Variants in DMD observed in about 807,000 individuals in gnomAD.
DMD encodes the protein mutant dystrophin.
In DMD, 63 loss-of-function variants were observed where a neutral mutation model predicts 330.1. The observed-to-expected ratio is 0.19, with a 90% confidence interval of 0.16 to 0.24. The LOEUF (loss-of-function observed/expected upper bound fraction) is 0.24. Among genes scored for constraint, DMD ranks in the 10% least tolerant of loss-of-function variants. The pLI is 1.00. For synonymous variants in DMD, 1,223 were observed against 959.8 expected (o/e 1.27, Z -5.07); for missense variants, 3,344 against 2,684.1 (o/e 1.25, Z -5.43).
Position 33,270,080 on chromosome X carries a change from T to G in DMD, c.7+69179A>C, listed in dbSNP as rs144230843. On this transcript the variant is annotated intron_variant, in intron 1 of 17. Coordinates refer to the DMD transcript ENST00000288447. ...CCCTGATCAACACAATATTTGGGTT[T>G]ATGTCTCTAGTGAGATAACGCTTAT... Among the ~76,000 whole-genome samples, 998 of 110,641 alleles carry G rather than the reference T, an allele frequency of 9.0e-3. 7 individuals carry two copies. Among genetic ancestry groups the G allele is most frequent in the African/African-American group, 0.023 (701 of 30,432 alleles).
chrX:33,336,929 C>A (rs1408085406), intron 1 of DMD, among the ~76,000 whole-genome samples: 1 of 111,024 alleles, frequency 9.0e-6, no homozygotes, highest in Non-Finnish European at 1.9e-5. Context: ...TTTGCCTGCT[C>A]TTCAGGTGCG....
At chrX:31,514,010 T>C (rs1426315632) in intron 55 of DMD, among the ~76,000 whole-genome samples, 2 of 112,117 alleles carry the variant, frequency 1.8e-5, no homozygotes, top group Admixed American at 1.9e-4. Flanking sequence ...AGTTTAGTTG[T>C]TGGTGGTAGT....
At chrX:32,509,278 C>A (rs2045022387) in intron 18 of DMD, among the ~76,000 whole-genome samples, 1 of 109,652 alleles carries the variant, frequency 9.1e-6, no homozygotes, top group African/African-American at 3.3e-5. Flanking sequence ...CGTTCGTCCT[C>A]AAATGAAATA....
intron 7 of DMD, among the ~76,000 whole-genome samples, chrX:32,751,260 G>A (rs1174027016): frequency 9.0e-6 from 1 of 111,110 alleles, no homozygotes; most frequent in Non-Finnish European, 1.9e-5. Context: ...ACTTCCTAGA[G>A]ACTTGAATAG....
chrX:33,017,876 AG>A (rs750778850), intron 2 of DMD, among the ~76,000 whole-genome samples: 61 of 112,072 alleles, frequency 5.4e-4, no homozygotes, highest in African/African-American at 1.7e-3. Flanking sequence ...TGTATCCTAC[AG>A]GGCTAGAATT....
chrX:32,760,756 G>A (rs116517510), intron 7 of DMD, among the ~76,000 whole-genome samples: 1,965 of 111,728 alleles, frequency 0.018, 50 homozygotes, highest in African/African-American at 0.06. Context: ...ATGATCATTT[G>A]GAAATTAGTC....
At chrX:32,023,041 C>G (rs1024341300) in intron 44 of DMD, among the ~76,000 whole-genome samples, 5 of 109,640 alleles carry the variant, frequency 4.6e-5, no homozygotes, top group Admixed American at 2.0e-4. Context: ...CCATGTTGGC[C>G]AGGATGGTCT....
chrX:33,285,020 A>G (rs1469430809), intron 1 of DMD, among the ~76,000 whole-genome samples: 1 of 110,918 alleles, frequency 9.0e-6, no homozygotes, highest in East Asian at 2.9e-4. Flanking sequence ...GGTTCCAATA[A>G]GTGATAAATA....
At chrX:32,522,644 G>T (rs1268183767) in intron 17 of DMD, among the ~76,000 whole-genome samples, 2 of 111,641 alleles carry the variant, frequency 1.8e-5, no homozygotes, top group African/African-American at 6.5e-5. Flanking sequence ...TTATAATCTG[G>T]CCTTCATAGA....
At chrX:33,335,928 C>T (rs2054246903) in intron 1 of DMD, among the ~76,000 whole-genome samples, 1 of 111,077 alleles carries the variant, frequency 9.0e-6, no homozygotes, top group African/African-American at 3.3e-5. Flanking sequence ...AAAATCTTTA[C>T]CAAAGTCCAT....
At chrX:32,611,927 CATTAAGTG>C (rs1442079713) in intron 12 of DMD, among the ~76,000 whole-genome samples, 1 of 111,870 alleles carries the variant, frequency 8.9e-6, no homozygotes, top group Non-Finnish European at 1.9e-5. Flanking sequence ...GAACCTGGGA[CATTAAGTG>C]ATGTTTGGAA....
chrX:31,159,225 AC>A (rs999119728), intron 74 of DMD, among the ~76,000 whole-genome samples: 6 of 111,705 alleles, frequency 5.4e-5, no homozygotes, highest in Admixed American at 9.5e-5. Flanking sequence ...CACCATGGAA[AC>A]AAACCTTACT....
rs1467076844 is a variant in DMD at position 32,167,345 on chromosome X, G to A, written c.6438+49571C>T. ...CAATATTAAACGTGCAAGGAAATGT[G>A]GGCCTTGAAGTCAAGTACACTTTGA... On this transcript the variant is annotated intron_variant, in intron 44 of 78. Transcript: ENST00000357033. Among the ~76,000 whole-genome samples, 17 of 111,980 alleles carry A rather than the reference G, an allele frequency of 1.5e-4. No individual in the cohort carries two copies. The Admixed American group carries it at 1.6e-3, about 11-fold the overall frequency.
At chrX:32,648,528 G>C (rs1004165204) in intron 9 of DMD, among the ~76,000 whole-genome samples, 2 of 111,341 alleles carry the variant, frequency 1.8e-5, no homozygotes, top group Non-Finnish European at 3.8e-5. Flanking sequence ...TTTTGTTTCA[G>C]ATGTGCATAT....
intron 60 of DMD, among the ~76,000 whole-genome samples, chrX:31,356,410 A>C (rs1183080074): frequency 9.0e-6 from 1 of 110,609 alleles, no homozygotes; most frequent in African/African-American, 3.3e-5. Context: ...TGTTCTATAC[A>C]ACCTACCAGA....
At chrX:32,290,969 G>A (rs1276540834) in intron 42 of DMD, among the ~76,000 whole-genome samples, 1 of 111,836 alleles carries the variant, frequency 8.9e-6, no homozygotes, top group Admixed American at 9.6e-5. Context: ...GGTGCAAATT[G>A]CAGTAGACAT....
intron 44 of DMD, among the ~76,000 whole-genome samples, chrX:32,098,751 G>A (rs770027294): frequency 1.8e-5 from 2 of 111,785 alleles, no homozygotes; most frequent in Non-Finnish European, 3.8e-5. Flanking sequence ...ACTTCAATCA[G>A]AATGCTCATA....
intron 7 of DMD, among the ~76,000 whole-genome samples, chrX:32,736,964 T>C (rs185675115): frequency 9.0e-6 from 1 of 111,297 alleles, no homozygotes; most frequent in Admixed American, 9.6e-5. Flanking sequence ...AAAATGTTTG[T>C]TAAAATAACC....
chrX:32,461,787 T>A (rs1314324735), intron 25 of DMD, among the ~76,000 whole-genome samples: 1 of 110,067 alleles, frequency 9.1e-6, no homozygotes, highest in African/African-American at 3.3e-5. Context: ...ACATCAATGG[T>A]ATAATCTATT....
Sources: gnomAD v4.1 joint callset for allele counts (sites outside exome capture counted in the v4.1 genomes callset) on GRCh38, gnomAD v4.1.1 for gene constraint, MANE v1.5 for transcripts, NCBI Gene and HGNC (gene_info 2026-07-23, HGNC 2026-07-21) for gene names.